The following RIMS1 variants were observed in gnomAD, a reference collection of about 807,000 sequenced individuals.
RIMS1 encodes the protein regulating synaptic membrane exocytosis 1.
Under a neutral mutation model 214.1 loss-of-function variants are expected in RIMS1, and 83 were observed. That is an observed-to-expected ratio of 0.39 (90% CI 0.32 to 0.47). The LOEUF is 0.47. RIMS1 is among the 20% of genes least tolerant of loss of function. The pLI, the probability that RIMS1 is intolerant of heterozygous loss-of-function variation, is 0.99. For missense variants in RIMS1, 2,050 were observed against 2,161.8 expected, an observed-to-expected ratio of 0.95 and a Z score of 1.03; for synonymous variants, 793 against 786.8, an observed-to-expected ratio of 1.01 and a Z score of -0.13.
chr6:72,078,513 T>C (rs1313593531), intron 2 of RIMS1, among the ~76,000 whole-genome samples: 1 of 152,202 alleles, frequency 6.6e-6, no homozygotes, highest in Non-Finnish European at 1.5e-5. Context: ...CTTACAAAAC[T>C]GGTAGTGGCT....
At chr6:72,112,005 G>A (rs889979342) in intron 4 of RIMS1, among the ~76,000 whole-genome samples, 3 of 152,140 alleles carry the variant, frequency 2.0e-5, no homozygotes, top group Admixed American at 1.3e-4. Context: ...ATTAGCAGAT[G>A]TTTAATAAGC....
intron 24 of RIMS1, among the ~76,000 whole-genome samples, chr6:72,286,197 CAA>C (rs149079911): frequency 2.7e-5 from 3 of 110,538 alleles, no homozygotes; most frequent in South Asian, 2.8e-4. Context: ...AACTCCATCT[CAA>C]AAAAAAAAAA....
intron 1 of RIMS1, among the ~76,000 whole-genome samples, chr6:71,911,494 T>C (rs979129170): frequency 6.6e-6 from 1 of 152,166 alleles, no homozygotes; most frequent in East Asian, 1.9e-4. Flanking sequence ...ATTGTCCTTG[T>C]GGTCACTTGG....
At chr6:72,320,359 G>A (rs996074578) in intron 28 of RIMS1, among the ~76,000 whole-genome samples, 4 of 152,262 alleles carry the variant, frequency 2.6e-5, no homozygotes, top group African/African-American at 9.6e-5. Context: ...TATTTGTTTA[G>A]TACAACAGAA....
At chr6:71,924,118 T>G (rs147188163) in intron 1 of RIMS1, among the ~76,000 whole-genome samples, 1 of 152,200 alleles carries the variant, frequency 6.6e-6, no homozygotes. Flanking sequence ...ACACTTGAAG[T>G]AGTTTTATTT....
At chr6:71,988,995 T>C (rs1225098713) in intron 2 of RIMS1, among the ~76,000 whole-genome samples, 1 of 152,204 alleles carries the variant, frequency 6.6e-6, no homozygotes, top group African/African-American at 2.4e-5. Context: ...AAAGGTACGC[T>C]AGCTCTGAGC....
intron 29 of RIMS1, among the ~76,000 whole-genome samples, chr6:72,373,477 C>G (rs887277294): frequency 3.3e-5 from 5 of 152,126 alleles, no homozygotes; most frequent in African/African-American, 1.2e-4. Context: ...CTGAACACAC[C>G]TCCTACTCCT....
chr6:72,192,555 C>T (rs906548698), intron 6 of RIMS1, among the ~76,000 whole-genome samples: 5 of 152,170 alleles, frequency 3.3e-5, no homozygotes, highest in Admixed American at 2.6e-4. Flanking sequence ...AAGTTTTCTG[C>T]TTATATAAAT....
At chr6:72,306,423 C>G (rs2095174175) in intron 26 of RIMS1, among the ~76,000 whole-genome samples, 1 of 152,102 alleles carries the variant, frequency 6.6e-6, no homozygotes, top group Admixed American at 6.6e-5. Context: ...TTAGCTGTTT[C>G]TTTCTCCTTC....
At chr6:72,092,291 C>CCCTCCCTCCCTT (rs745668426) in intron 2 of RIMS1, among the ~76,000 whole-genome samples, 2 of 108,010 alleles carry the variant, frequency 1.9e-5, no homozygotes, top group Non-Finnish European at 4.2e-5. Flanking sequence ...CTCCCTCCCT[C>CCCTCCCTCCCTT]CCTTCCTTCC....
chr6:72,377,911 G>A (rs2154412110), intron 29 of RIMS1, among the ~76,000 whole-genome samples: 1 of 152,220 alleles, frequency 6.6e-6, no homozygotes, highest in Non-Finnish European at 1.5e-5. Context: ...TCTCAGTAAT[G>A]GTCGTGTAAG....
intron 26 of RIMS1, among the ~76,000 whole-genome samples, chr6:72,294,623 C>T (rs1393875583): frequency 6.6e-6 from 1 of 151,604 alleles, no homozygotes; most frequent in East Asian, 1.9e-4. Flanking sequence ...TATGCCAGGA[C>T]AATTTGACTG....
At chr6:72,008,969 C>T (rs9446540) in intron 2 of RIMS1, among the ~76,000 whole-genome samples, 1,962 of 152,174 alleles carry the variant, frequency 0.013, 35 homozygotes, top group African/African-American at 0.044. Context: ...CTGCACCAAG[C>T]GGGCCTAAAA....
In RIMS1 at chr6:72,355,055, G is replaced by C. The variant is rs541001939; in HGVS notation, c.4366+21220G>C. Among the ~76,000 whole-genome samples, 153 of 152,256 alleles carry C rather than the reference G, an allele frequency of 1.0e-3. 1 individual carries two copies. The highest frequency in any genetic ancestry group is 1.9e-3 in the Non-Finnish European group (126 of 68,010). On this transcript the variant is annotated intron_variant, in intron 29 of 33. Coordinates refer to ENST00000521978, the MANE Select transcript of RIMS1 (RefSeq NM_014989.7). Reference sequence around the variant, plus strand: ...GAAAATGCTATCAACCAATAAGGTAGACAATATCTTAGAAAGGAGAGTGAA... The same window carrying C: ...GAAAATGCTATCAACCAATAAGGTACACAATATCTTAGAAAGGAGAGTGAA...
rs190826647 is a variant in RIMS1, at chr6:72,158,124, T to A, written c.472-21451T>A. Among the ~76,000 whole-genome samples, 20 of 141,094 alleles carry A rather than the reference T, an allele frequency of 1.4e-4. 4 individuals carry two copies. The East Asian group carries it at 3.2e-3, about 23-fold the overall frequency. The allele number at this position is 141,094 out of a possible 152,430, so 92.6% of individuals were successfully genotyped here. A position where few individuals can be genotyped will look rare whatever the true frequency, so the allele number is the denominator to read the frequency against. Reference sequence around the variant, plus strand: ...GTTGCTGTTTATTCTTTCCTGTATTTTTATTTCCATTTAGCTTCATTTTCC... The same window carrying A: ...GTTGCTGTTTATTCTTTCCTGTATTATTATTTCCATTTAGCTTCATTTTCC... On this transcript the variant is annotated intron_variant, in intron 4 of 33. Coordinates refer to ENST00000521978, the MANE Select transcript of RIMS1 (RefSeq NM_014989.7).
At chr6:72,211,202 CCA>C (rs1341516368) in intron 6 of RIMS1, among the ~76,000 whole-genome samples, 1 of 152,160 alleles carries the variant, frequency 6.6e-6, no homozygotes, top group Non-Finnish European at 1.5e-5. Flanking sequence ...CCTCTTCTGT[CCA>C]GAGTTTGTCC....
chr6:72,302,674 G>T (rs1270742323), intron 26 of RIMS1, among the ~76,000 whole-genome samples: 1 of 151,502 alleles, frequency 6.6e-6, no homozygotes, highest in Non-Finnish European at 1.5e-5. Flanking sequence ...TATACAACAA[G>T]GAAGCAGAGA....
In RIMS1 at chr6:72,356,674, C is replaced by A. The variant is rs561012106; in HGVS notation, c.4366+22839C>A. Among the ~76,000 whole-genome samples, 3 of 152,056 alleles carry A rather than the reference C, an allele frequency of 2.0e-5. No individual in the cohort carries two copies. In the East Asian group the frequency reaches 5.8e-4, roughly 29 times the overall value. ...ACTCAGGAGGCTGAGGCAGGAGAAT[C>A]GCTTGAACCCCAGAGGCAGAGGTTG... On this transcript the variant is annotated intron_variant, in intron 29 of 33. Transcript: ENST00000521978.
Position 71,979,446 on chromosome 6 carries a change from G to A in RIMS1, c.245+10383G>A, listed in dbSNP as rs143720715. On this transcript the variant is annotated intron_variant, in intron 2 of 33. Transcript: ENST00000521978. ...AACTGAACTCTAGACCTGAAAATCC[G>A]TGAAATTTTAGTCATATACATGACA... Among the ~76,000 whole-genome samples, 579 of 152,122 alleles carry A rather than the reference G, an allele frequency of 3.8e-3. 1 individual carries two copies. Among genetic ancestry groups the A allele is most frequent in the Non-Finnish European group, 6.2e-3 (424 of 67,982 alleles).
Sources: gnomAD v4.1 joint callset for allele counts (sites outside exome capture counted in the v4.1 genomes callset) on GRCh38, gnomAD v4.1.1 for gene constraint, MANE v1.5 for transcripts, NCBI Gene and HGNC (gene_info 2026-07-23, HGNC 2026-07-21) for gene names.